PTPRQ: variants seen among roughly 807,000 people sequenced by gnomAD.
PTPRQ encodes the protein phosphatidylinositol phosphatase PTPRQ.
Under a neutral mutation model 246.0 loss-of-function variants are expected in PTPRQ, and 199 were observed. That is an observed-to-expected ratio of 0.81 (90% CI 0.72 to 0.91). The LOEUF (loss-of-function observed/expected upper bound fraction) is 0.91. Ranked by LOEUF, PTPRQ falls within the 40% of genes least tolerant of loss-of-function variation. PTPRQ has a pLI of 0.00. For synonymous variants in PTPRQ, 869 were observed against 853.2 expected (o/e 1.02, Z -0.32); for missense variants, 2,624 against 2,528.4 (o/e 1.04, Z -0.81).
At position 80,668,048 on chromosome 12, in the gene PTPRQ, A is replaced by AT. The variant is rs1166592132; in HGVS notation, c.6193-953dup. Reference sequence around the variant, plus strand: ...TCCCTGGAAAATTTAAATATATGTTATTTTTTGTATATTACTATTCTCTGA... The same window carrying AT: ...TCCCTGGAAAATTTAAATATATGTTATTTTTTTGTATATTACTATTCTCTGA... On this transcript the variant is annotated intron_variant, in intron 39 of 44. Transcript: ENST00000644991. 5.3e-5 allele frequency among the ~76,000 whole-genome samples: 8 copies of AT among 152,070 alleles called. No homozygotes were observed. In the South Asian group the frequency reaches 6.2e-4, roughly 12 times the overall value.
chr12:80,556,248 C>T lies in PTPRQ; in HGVS notation c.4285+6514C>T, dbSNP rs570171584. Among the ~76,000 whole-genome samples, 7 of 152,228 alleles carry T rather than the reference C, an allele frequency of 4.6e-5. No homozygotes were observed. In the South Asian group the frequency reaches 1.2e-3, roughly 27 times the overall value. On this transcript the variant is annotated intron_variant, in intron 25 of 44. Transcript: ENST00000644991. ...TTTGCCATGTTGGCTAAGATGGTTT[C>T]GAACTCCTGACCTCAGGTGATCTGC...
At chr12:80,522,424 C>T (rs1895527942) in intron 17 of PTPRQ, among the ~76,000 whole-genome samples, 1 of 152,104 alleles carries the variant, frequency 6.6e-6, no homozygotes. Flanking sequence ...TGAGAGAGGG[C>T]ATCCCTGTCT....
intron 3 of PTPRQ, among the ~76,000 whole-genome samples, 183 bp downstream of exon 3, chr12:80,445,900 T>C (rs1892539801): frequency 6.6e-6 from 1 of 151,918 alleles, no homozygotes; most frequent in African/African-American, 2.4e-5. Flanking sequence ...TTGTGTCTTT[T>C]CATTTCAATT....
chr12:80,578,516 G>T (rs1456644944), intron 25 of PTPRQ, among the ~76,000 whole-genome samples: 1 of 151,806 alleles, frequency 6.6e-6, no homozygotes, highest in Non-Finnish European at 1.5e-5. Context: ...TCAGCCTCCT[G>T]AGTAGCTGGG....
At chr12:80,614,697 C>G (rs1008249207) in intron 29 of PTPRQ, among the ~76,000 whole-genome samples, 2 of 150,790 alleles carry the variant, frequency 1.3e-5, no homozygotes. Flanking sequence ...AAGACGGTGA[C>G]TAAGAGAATA....
chr12:80,480,632 C>A (rs1409842038), intron 8 of PTPRQ, among the ~76,000 whole-genome samples: 1 of 151,466 alleles, frequency 6.6e-6, no homozygotes, highest in Admixed American at 6.6e-5. Flanking sequence ...ACTAGCAAGA[C>A]TAATAAAGAA....
chr12:80,507,824 A>T (rs1286104251), intron 16 of PTPRQ, among the ~76,000 whole-genome samples: 3 of 152,008 alleles, frequency 2.0e-5, no homozygotes, highest in Admixed American at 1.3e-4. Flanking sequence ...TTAATAAAAA[A>T]ACCTTCCAAA....
At chr12:80,634,694 G>A (rs1405926448) in intron 34 of PTPRQ, 4 of 381,136 alleles carry the variant, frequency 1.0e-5, no homozygotes, top group Admixed American at 4.9e-5. Context: ...TCAGGCCTTC[G>A]TCAACTAATT....
rs1277467905 is a variant in PTPRQ at position 80,585,143 on chromosome 12, G to A, written c.4286-2986G>A. Among the ~76,000 whole-genome samples the A allele has an allele frequency of 5.3e-5, 8 of 151,954 alleles. 1 individual carries two copies. In the South Asian group the frequency reaches 8.3e-4, roughly 16 times the overall value. On this transcript the variant is annotated intron_variant, in intron 25 of 44. Coordinates refer to ENST00000644991, the MANE Select transcript of PTPRQ (RefSeq NM_001145026.2). ...GATTTCTCCTTCTGGGTGTCTGAGA[G>A]GAATTTCAAAGTTAACCTACTCAAA...
chr12:80,638,284 AAT>A (rs1899732299), intron 35 of PTPRQ, among the ~76,000 whole-genome samples: 1 of 151,458 alleles, frequency 6.6e-6, no homozygotes, highest in Non-Finnish European at 1.5e-5. Flanking sequence ...AAAAAAAAAA[AAT>A]CTACCCAGCT....
chr12:80,522,176 T>G (rs1323628313), intron 17 of PTPRQ, among the ~76,000 whole-genome samples: 3 of 152,130 alleles, frequency 2.0e-5, no homozygotes, highest in African/African-American at 7.2e-5. Context: ...CTGTTATTGG[T>G]ATATAAGAAT....
rs78874087 is a variant in PTPRQ at position 80,544,742 on chromosome 12, A to G, written c.3874-1814A>G. Among the ~76,000 whole-genome samples, 1,130 of 151,396 alleles carry G rather than the reference A, an allele frequency of 7.5e-3. 3 individuals carry two copies. Among genetic ancestry groups the G allele is most frequent in the Non-Finnish European group, 0.011 (719 of 67,766 alleles). On this transcript the variant is annotated intron_variant, in intron 23 of 44. Transcript: ENST00000644991. The stretch of plus-strand genomic sequence containing the variant: ...TGTGTTCTATTTTCCTTTCTCTTTC[A>G]TCTACCCTGATATCCTGACAGTATC...
intron 34 of PTPRQ, 46 bp from the exon 35 acceptor site, chr12:80,634,899 A>T: frequency 6.5e-7 from 1 of 1,543,152 alleles, no homozygotes; most frequent in Non-Finnish European, 8.7e-7. Flanking sequence ...AATTTTATAT[A>T]CTTTGTGTGA....
At chr12:80,569,149 T>TTTC (rs1190073992) in intron 25 of PTPRQ, among the ~76,000 whole-genome samples, 1 of 147,942 alleles carries the variant, frequency 6.8e-6, no homozygotes, top group African/African-American at 2.5e-5. Flanking sequence ...TTTTTTTTTT[T>TTTC]ACTTTTTAAA....
At chr12:80,486,903 G>T (rs1441012427) in intron 9 of PTPRQ, among the ~76,000 whole-genome samples, 1 of 152,036 alleles carries the variant, frequency 6.6e-6, no homozygotes, top group African/African-American at 2.4e-5. Flanking sequence ...GAAACTATTT[G>T]TTCCTTAATA....
intron 25 of PTPRQ, among the ~76,000 whole-genome samples, chr12:80,581,364 C>A (rs1897429502): frequency 6.6e-6 from 1 of 152,062 alleles, no homozygotes; most frequent in Non-Finnish European, 1.5e-5. Context: ...GGCCAGGTGC[C>A]ATGGCGCATG....
At chr12:80,548,032 G>T (rs1592640261) in intron 24 of PTPRQ, among the ~76,000 whole-genome samples, 1 of 151,992 alleles carries the variant, frequency 6.6e-6, no homozygotes, top group East Asian at 1.9e-4. Context: ...ATGAGTGATA[G>T]AATATAAAAA....
intron 25 of PTPRQ, among the ~76,000 whole-genome samples, chr12:80,553,745 C>T (rs145045031): frequency 6.6e-6 from 1 of 152,174 alleles, no homozygotes; most frequent in East Asian, 1.9e-4. Flanking sequence ...AAGATGAAGG[C>T]CCCCAAGCTT....
rs1036334609 is a variant in PTPRQ, at chr12:80,670,552, A to G, written c.6602+60A>G. ...TTGGTCTTTTTATTATTAAAATTCC[A>G]TTGGTTATTTTTTATAAAATGTTCA... On this transcript the variant is annotated intron_variant, in intron 42 of 44. Transcript: ENST00000644991. 147 of 1,412,330 alleles carry G rather than the reference A, an allele frequency of 1.0e-4. 1 individual carries two copies. The South Asian group carries it at 1.2e-3, about 12-fold the overall frequency. 87.5% of individuals were successfully genotyped at this position (1,412,330 alleles called of 1,614,324 possible).
Sources: gnomAD v4.1 joint callset for allele counts (sites outside exome capture counted in the v4.1 genomes callset) on GRCh38, gnomAD v4.1.1 for gene constraint, MANE v1.5 for transcripts, NCBI Gene and HGNC (gene_info 2026-07-23, HGNC 2026-07-21) for gene names.